The following PRKCE variants were observed in gnomAD, a reference collection of about 807,000 sequenced individuals.
The protein encoded by PRKCE is protein kinase C epsilon.
A neutral mutation model predicts 85.4 loss-of-function variants in PRKCE; 16 were observed. The observed-to-expected ratio is 0.19, with a 90% confidence interval of 0.13 to 0.28. The LOEUF is 0.28. Ranked by LOEUF, PRKCE falls within the 10% of genes least tolerant of loss-of-function variation. The pLI, the probability that PRKCE is intolerant of heterozygous loss-of-function variation, is 1.00. For synonymous variants in PRKCE, 388 were observed against 371.5 expected (o/e 1.04, Z -0.51); for missense variants, 573 against 975.2 (o/e 0.59, Z 5.49).
chr2:46,158,605 T>C (rs1320511065), intron 13 of PRKCE, among the ~76,000 whole-genome samples: 2 of 152,218 alleles, frequency 1.3e-5, no homozygotes, highest in Non-Finnish European at 2.9e-5. Flanking sequence ...CTCTCTCCCT[T>C]GCTGATGAAG....
chr2:46,024,102 A>C (rs1421686747), intron 10 of PRKCE, among the ~76,000 whole-genome samples: 1 of 152,168 alleles, frequency 6.6e-6, no homozygotes, highest in East Asian at 1.9e-4. Flanking sequence ...TAGCCTCCTG[A>C]GGATTGATAA....
chr2:46,182,388 T>G (rs1023711769), intron 14 of PRKCE, among the ~76,000 whole-genome samples: 3 of 152,132 alleles, frequency 2.0e-5, no homozygotes, highest in Non-Finnish European at 2.9e-5. Flanking sequence ...AGGGCCCTCC[T>G]TTTCCTCTTG....
chr2:45,727,378 C>T (rs184122281), intron 1 of PRKCE, among the ~76,000 whole-genome samples: 5 of 152,110 alleles, frequency 3.3e-5, no homozygotes, highest in Non-Finnish European at 5.9e-5. Context: ...AACCAGTGCA[C>T]AAAAGTGGGA....
chr2:46,004,757 G>T lies in PRKCE; in HGVS notation c.1063+119G>T. Reference sequence around the variant, plus strand: ...AGCTGAAATAGCTAGCAGCCCTGGTGGGTTTTCACACACCCGTTGCCTGTT... The same window carrying T: ...AGCTGAAATAGCTAGCAGCCCTGGTTGGTTTTCACACACCCGTTGCCTGTT... On this transcript the variant is annotated intron_variant, in intron 8 of 14. Transcript: ENST00000306156. This position sits in a 1 kb window ranked among gnomAD's most constrained non-coding sequence, Gnocchi z 4.1. 1.2e-6 allele frequency: 1 copy of T among 843,108 alleles called. No individual in the cohort carries two copies. The highest frequency in any genetic ancestry group is 1.6e-5 in the South Asian group (1 of 64,010). The allele number at this position is 843,108 out of a possible 1,614,324, so 52.2% of individuals were successfully genotyped here.
At chr2:45,853,657 A>G (rs1441993820) in intron 2 of PRKCE, among the ~76,000 whole-genome samples, 1 of 152,232 alleles carries the variant, frequency 6.6e-6, no homozygotes, top group Non-Finnish European at 1.5e-5. Flanking sequence ...TGCTGGATAA[A>G]TGAATGCATG....
At chr2:46,165,334 C>T (rs1329503889) in intron 14 of PRKCE, among the ~76,000 whole-genome samples, 1 of 152,224 alleles carries the variant, frequency 6.6e-6, no homozygotes, top group Non-Finnish European at 1.5e-5. Flanking sequence ...GATGTGCCAT[C>T]AACACCAAAC....
At chr2:45,707,884 G>A (rs1679247008) in intron 1 of PRKCE, among the ~76,000 whole-genome samples, 1 of 152,176 alleles carries the variant, frequency 6.6e-6, no homozygotes, top group Non-Finnish European at 1.5e-5. Flanking sequence ...ATCAGACCTG[G>A]GAGTGCAGGC....
chr2:46,124,641 T>C (rs1318509440), intron 11 of PRKCE, among the ~76,000 whole-genome samples: 2 of 152,184 alleles, frequency 1.3e-5, no homozygotes, highest in African/African-American at 4.8e-5. Flanking sequence ...TGTTCACACT[T>C]GTGGGCAGAG....
At chr2:46,160,007 GA>G in intron 14 of PRKCE, 1 of 433,270 alleles carries the variant, frequency 2.3e-6, no homozygotes, top group South Asian at 3.6e-5. Context: ...TGTCTTTACA[GA>G]GATTCAATTT....
At chr2:45,782,124 T>A (rs1049121675) in intron 1 of PRKCE, among the ~76,000 whole-genome samples, 2 of 152,358 alleles carry the variant, frequency 1.3e-5, no homozygotes, top group Middle Eastern at 6.8e-3. Flanking sequence ...AAAGTGTTTC[T>A]CCTTAAGTCT....
At chr2:46,096,148 C>G (rs1304886359) in intron 11 of PRKCE, among the ~76,000 whole-genome samples, 1 of 152,174 alleles carries the variant, frequency 6.6e-6, no homozygotes, top group Admixed American at 6.5e-5. Flanking sequence ...AGGCTGAATC[C>G]TGGGTCTGCC....
chr2:46,156,980 C>G (rs1574624880), intron 13 of PRKCE, among the ~76,000 whole-genome samples: 1 of 152,266 alleles, frequency 6.6e-6, no homozygotes, highest in South Asian at 2.1e-4. Context: ...CTGTGTTATA[C>G]AATGGTAGGA....
chr2:45,716,391 C>T (rs1269624848), intron 1 of PRKCE, among the ~76,000 whole-genome samples: 1 of 152,050 alleles, frequency 6.6e-6, no homozygotes, highest in East Asian at 1.9e-4. Flanking sequence ...GTGTCGCATG[C>T]TTGTAGTCCT....
intron 6 of PRKCE, among the ~76,000 whole-genome samples, chr2:45,997,842 C>G (rs112706839): frequency 5.3e-5 from 8 of 152,276 alleles, no homozygotes; most frequent in African/African-American, 1.9e-4. Flanking sequence ...CTTCCATACC[C>G]GGCCGGTAAG....
chr2:46,089,461 C>A (rs1438313741), intron 11 of PRKCE, among the ~76,000 whole-genome samples: 1 of 152,204 alleles, frequency 6.6e-6, no homozygotes, highest in African/African-American at 2.4e-5. Context: ...CCAGTCTATC[C>A]ATCCACCTCC....
chr2:45,704,232 T>C (rs1184645052), intron 1 of PRKCE, among the ~76,000 whole-genome samples: 3 of 152,246 alleles, frequency 2.0e-5, no homozygotes, highest in Non-Finnish European at 4.4e-5. Context: ...TTCTTCAAGG[T>C]AGTATATCTC....
rs1218093315 is a variant in PRKCE at position 45,907,007 on chromosome 2, C to T, written c.412+63944C>T. Among the ~76,000 whole-genome samples the T allele has an allele frequency of 1.3e-5, 2 of 152,180 alleles. No individual in the cohort carries two copies. Among genetic ancestry groups the T allele is most frequent in the East Asian group, 3.9e-4 (2 of 5,186 alleles). On this transcript the variant is annotated intron_variant, in intron 2 of 14. Coordinates refer to ENST00000306156, the MANE Select transcript of PRKCE (RefSeq NM_005400.3). The surrounding 1 kb of genome is among the most constrained non-coding windows in gnomAD (Gnocchi z 4.5). ...GAGAAATGCAGTGTCTCCCCATAATCCCCTGCAGGGACCAGGCTGGATGGG... is the reference window on the plus strand; with the variant it reads ...GAGAAATGCAGTGTCTCCCCATAATTCCCTGCAGGGACCAGGCTGGATGGG...
chr2:46,030,820 C>T (rs1365486236), intron 10 of PRKCE, among the ~76,000 whole-genome samples: 1 of 152,200 alleles, frequency 6.6e-6, no homozygotes, highest in African/African-American at 2.4e-5. Context: ...CCCTGTATTC[C>T]TGCACCACAA....
In PRKCE at chr2:45,821,825, A is replaced by G. The variant is rs76699782; in HGVS notation, c.349-21175A>G. Among the ~76,000 whole-genome samples the G allele has an allele frequency of 3.7e-3, 569 of 152,298 alleles. 5 individuals carry two copies. Among genetic ancestry groups the G allele is most frequent in the African/African-American group, 0.013 (541 of 41,550 alleles). On this transcript the variant is annotated intron_variant, in intron 1 of 14. Transcript: ENST00000306156. ...TGTCCCGATGGCAGCTGTATTGTAG[A>G]TCAGCTAATTGAGATTCTATCTGCT...
Sources: gnomAD v4.1 joint callset for allele counts (sites outside exome capture counted in the v4.1 genomes callset) on GRCh38, gnomAD v4.1.1 for gene constraint, Gnocchi (gnomAD v3.1) non-coding constraint, MANE v1.5 for transcripts, NCBI Gene and HGNC (gene_info 2026-07-23, HGNC 2026-07-21) for gene names.